SLC30A9: variants seen among roughly 807,000 people sequenced by gnomAD.
SLC30A9 encodes the protein solute carrier family 30 member 9, also known as proton-coupled zinc antiporter SLC30A9, mitochondrial.
In SLC30A9, 58 loss-of-function variants were observed where a neutral mutation model predicts 87.5. That is an observed-to-expected ratio of 0.66 (90% confidence interval 0.54 to 0.82). The LOEUF is 0.82. Ranked by LOEUF, SLC30A9 falls within the 40% of genes least tolerant of loss-of-function variation. The pLI is 0.00. For synonymous variants in SLC30A9, 234 were observed against 233.0 expected, an observed-to-expected ratio of 1.00 and a Z score of -0.04; for missense variants, 557 against 679.1, an observed-to-expected ratio of 0.82 and a Z score of 2.00.
At chr4:42,012,280 C>G (rs1319795880) in intron 2 of SLC30A9, among the ~76,000 whole-genome samples, 2 of 152,138 alleles carry the variant, frequency 1.3e-5, no homozygotes, top group African/African-American at 4.8e-5. Flanking sequence ...GACTTTTTAC[C>G]TGCAAAAATA....
intron 6 of SLC30A9, chr4:42,029,918 C>T: frequency 1.4e-6 from 1 of 740,494 alleles, no homozygotes; most frequent in Non-Finnish European, 2.5e-6. Flanking sequence ...TGGGCACCTA[C>T]CTTGGTTTTC....
intron 9 of SLC30A9, among the ~76,000 whole-genome samples, chr4:42,050,309 A>G (rs918089835): frequency 6.6e-6 from 1 of 152,194 alleles, no homozygotes; most frequent in African/African-American, 2.4e-5. Context: ...TATACTCAAT[A>G]TATACTTAAA....
At chr4:42,070,888 A>C (rs1301426847) in intron 15 of SLC30A9, among the ~76,000 whole-genome samples, 197 bp downstream of exon 15, 2 of 152,128 alleles carry the variant, frequency 1.3e-5, no homozygotes, top group Non-Finnish European at 2.9e-5. Context: ...TTCCTTTTAA[A>C]TTTTCTATAC....
intron 11 of SLC30A9, among the ~76,000 whole-genome samples, chr4:42,063,750 CT>C (rs200192637): frequency 1.3e-5 from 2 of 151,632 alleles, no homozygotes; most frequent in African/African-American, 2.4e-5. Context: ...TTAAAACTGT[CT>C]TTTTTTTTCT....
intron 15 of SLC30A9, among the ~76,000 whole-genome samples, chr4:42,073,067 A>C (rs1453446805): frequency 6.6e-6 from 1 of 150,418 alleles, no homozygotes; most frequent in Non-Finnish European, 1.5e-5. Flanking sequence ...AGGTTTCATC[A>C]CTGGCCATGT....
rs1009778788 is a variant in SLC30A9 at position 42,055,652 on chromosome 4, C to T, written c.841-4539C>T. Among the ~76,000 whole-genome samples the T allele has an allele frequency of 5.3e-5, 8 of 152,286 alleles. No individual in the cohort carries two copies. In the East Asian group the frequency reaches 1.2e-3, roughly 22 times the overall value. ...AACTTTTCTGTTAAATATTGCACAT[C>T]GTATCATTTAATATCAACTGAGATG... is the stretch of plus-strand genomic sequence containing the variant. On this transcript the variant is annotated intron_variant, in intron 9 of 17. Transcript: ENST00000264451.
At chr4:42,047,832 G>T (rs1390710136) in intron 8 of SLC30A9, among the ~76,000 whole-genome samples, 1 of 152,124 alleles carries the variant, frequency 6.6e-6, no homozygotes, top group African/African-American at 2.4e-5. Context: ...CAACCCAGAT[G>T]CCCATCAATG....
At chr4:42,047,748 T>C (rs1456890652) in intron 8 of SLC30A9, among the ~76,000 whole-genome samples, 1 of 152,238 alleles carries the variant, frequency 6.6e-6, no homozygotes, top group Non-Finnish European at 1.5e-5. Flanking sequence ...CAATAGATTA[T>C]AAATCATTCT....
intron 15 of SLC30A9, among the ~76,000 whole-genome samples, chr4:42,070,915 A>C (rs1718287979): frequency 6.6e-6 from 1 of 152,156 alleles, no homozygotes; most frequent in Non-Finnish European, 1.5e-5. Context: ...TTTTTAGAGT[A>C]AGGAAGAGTC....
intron 6 of SLC30A9, among the ~76,000 whole-genome samples, chr4:42,025,657 G>A (rs1716157138): frequency 6.6e-6 from 1 of 152,038 alleles, no homozygotes; most frequent in Non-Finnish European, 1.5e-5. Context: ...AAAAGTTGTT[G>A]ATTATTTTTA....
chr4:42,077,101 C>T (rs1461537451), intron 16 of SLC30A9, among the ~76,000 whole-genome samples: 1 of 152,102 alleles, frequency 6.6e-6, no homozygotes, highest in Non-Finnish European at 1.5e-5. Context: ...GGTGTACTTA[C>T]CTTCAGCTTG....
At chr4:42,062,433 A>G (rs965630855) in intron 10 of SLC30A9, among the ~76,000 whole-genome samples, 2 of 152,214 alleles carry the variant, frequency 1.3e-5, no homozygotes, top group Non-Finnish European at 2.9e-5. Flanking sequence ...TTGAGATTTT[A>G]GCACCATGAA....
intron 17 of SLC30A9, among the ~76,000 whole-genome samples, chr4:42,084,457 T>C (rs1476630990): frequency 6.6e-6 from 1 of 151,852 alleles, no homozygotes; most frequent in Non-Finnish European, 1.5e-5. Flanking sequence ...GCCCTTCCTT[T>C]ATTTTATTTT....
intron 1 of SLC30A9, among the ~76,000 whole-genome samples, chr4:41,994,138 C>T (rs973820752): frequency 3.4e-5 from 5 of 149,032 alleles, no homozygotes; most frequent in Non-Finnish European, 5.9e-5. Flanking sequence ...GCCTGGGCGA[C>T]GAGCGAAACT....
intron 6 of SLC30A9, among the ~76,000 whole-genome samples, chr4:42,034,798 A>G (rs1273552468): frequency 6.6e-6 from 1 of 152,248 alleles, no homozygotes; most frequent in Non-Finnish European, 1.5e-5. Context: ...GTCCAGAAGT[A>G]GGATTGCTGG....
chr4:41,997,063 A>AAT (rs375645864), intron 1 of SLC30A9, among the ~76,000 whole-genome samples: 13 of 151,028 alleles, frequency 8.6e-5, no homozygotes, highest in African/African-American at 2.4e-4. Flanking sequence ...TAAATAAATA[A>AAT]AAATGAAAAA....
chr4:42,055,553 GT>G (rs1470001788), intron 9 of SLC30A9, among the ~76,000 whole-genome samples: 1 of 152,016 alleles, frequency 6.6e-6, no homozygotes, highest in African/African-American at 2.4e-5. Context: ...CGCCCGGCTA[GT>G]TTTTTGTATT....
At chr4:42,014,139 A>G (rs189700771) in intron 2 of SLC30A9, among the ~76,000 whole-genome samples, 1 of 152,348 alleles carries the variant, frequency 6.6e-6, no homozygotes, top group Non-Finnish European at 1.5e-5. Context: ...AGTGCTTAAC[A>G]TCATTGATCA....
intron 2 of SLC30A9, among the ~76,000 whole-genome samples, chr4:42,017,375 GTTTT>G (rs61558035): frequency 7.2e-6 from 1 of 138,706 alleles, no homozygotes. Context: ...TTTTTTCTCT[GTTTT>G]TTTTTTTTTA....
Sources: allele counts gnomAD v4.1 joint callset (sites outside exome capture counted in the v4.1 genomes callset), GRCh38; gene constraint gnomAD v4.1.1; transcripts MANE v1.5; gene names NCBI Gene and HGNC (gene_info 2026-07-23, HGNC 2026-07-21).